RTN4: variants seen among roughly 807,000 people sequenced by gnomAD.
RTN4 encodes the protein reticulon 4, also known as reticulon-4.
Under a neutral mutation model 90.4 loss-of-function variants are expected in RTN4, and 32 were observed. That is an observed-to-expected ratio of 0.35 (90% CI 0.27 to 0.48). RTN4 has a LOEUF of 0.48. RTN4 is among the 20% of genes least tolerant of loss of function. The pLI is 0.99. For missense variants in RTN4, 1,706 were observed against 1,430.2 expected (o/e 1.19, Z -3.11); for synonymous variants, 629 against 552.5 (o/e 1.14, Z -1.94).
At chr2:55,092,131 A>G (rs1470333251) in intron 1 of RTN4, among the ~76,000 whole-genome samples, 1 of 151,482 alleles carries the variant, frequency 6.6e-6, no homozygotes, top group African/African-American at 2.4e-5. Context: ...TTGAGGCTGC[A>G]GTGAGCTGAG....
At chr2:54,989,909 G>C (rs768571108) in intron 3 of RTN4, among the ~76,000 whole-genome samples, 1 of 151,968 alleles carries the variant, frequency 6.6e-6, no homozygotes, top group Non-Finnish European at 1.5e-5. Flanking sequence ...TTTATTAGGA[G>C]GGTACAGTGA....
chr2:55,088,536 G>A (rs1474931738), intron 1 of RTN4, among the ~76,000 whole-genome samples: 1 of 152,152 alleles, frequency 6.6e-6, no homozygotes, highest in East Asian at 1.9e-4. Context: ...GGTGCTCCCT[G>A]GACAACATAC....
chr2:55,085,048 C>T (rs1289324328), intron 1 of RTN4, among the ~76,000 whole-genome samples: 1 of 152,200 alleles, frequency 6.6e-6, no homozygotes, highest in Non-Finnish European at 1.5e-5. Context: ...GCCTTGACCT[C>T]CCAAGGTGCT....
At chr2:55,016,497 C>T (rs1424271224) in intron 3 of RTN4, among the ~76,000 whole-genome samples, 3 of 152,096 alleles carry the variant, frequency 2.0e-5, no homozygotes, top group South Asian at 2.1e-4. Flanking sequence ...GCACGAGAAT[C>T]GCTTGAACCC....
At chr2:55,083,324 C>T (rs1363000822) in intron 1 of RTN4, among the ~76,000 whole-genome samples, 5 of 152,116 alleles carry the variant, frequency 3.3e-5, no homozygotes, top group African/African-American at 1.2e-4. Context: ...GGCAAAACCC[C>T]GTCTCTACTA....
intron 1 of RTN4, among the ~76,000 whole-genome samples, chr2:55,041,716 T>G (rs182957174): frequency 1.7e-3 from 254 of 152,088 alleles, no homozygotes; most frequent in African/African-American, 5.7e-3. Context: ...ATCAAATAAT[T>G]AAATGTTAAA....
At chr2:54,998,726 C>T (rs1186859481) in intron 3 of RTN4, among the ~76,000 whole-genome samples, 1 of 152,106 alleles carries the variant, frequency 6.6e-6, no homozygotes, top group Non-Finnish European at 1.5e-5. Context: ...AGAACAGAAA[C>T]ATTTAAATTC....
At chr2:55,003,292 T>C (rs1301656897) in intron 3 of RTN4, among the ~76,000 whole-genome samples, 2 of 152,238 alleles carry the variant, frequency 1.3e-5, no homozygotes, top group African/African-American at 4.8e-5. Flanking sequence ...TATTTGATAA[T>C]TTGGTAATTT....
chr2:55,097,767 A>G (rs1359947609), intron 1 of RTN4, among the ~76,000 whole-genome samples: 1 of 152,038 alleles, frequency 6.6e-6, no homozygotes, highest in Non-Finnish European at 1.5e-5. Flanking sequence ...CATAATGAAG[A>G]GCTGACACTT....
chr2:54,997,748 CCA>C lies in RTN4; in HGVS notation c.3014-10052_3014-10051del, dbSNP rs565991389. 1.6e-3 allele frequency among the ~76,000 whole-genome samples: 242 copies of C among 152,280 alleles called. 1 individual carries two copies. The highest frequency in any genetic ancestry group is 6.8e-3 in the Middle Eastern group (2 of 294). ...CCTGGTTAGAGTTTCCTGCAGTCAA[CCA>C]CAGTTAAAAATTAGGTGAGTATAGT... On this transcript the variant is annotated intron_variant, in intron 3 of 8. Coordinates refer to ENST00000337526, the MANE Select transcript of RTN4 (RefSeq NM_020532.5).
intron 1 of RTN4, among the ~76,000 whole-genome samples, chr2:55,046,124 AG>A (rs1683406834): frequency 6.6e-6 from 1 of 152,238 alleles, no homozygotes; most frequent in African/African-American, 2.4e-5. Context: ...GACAAGTGTC[AG>A]TGATCTAGAA....
Position 55,049,696 on chromosome 2 carries a change from G to A in RTN4, c.556+49C>T, listed in dbSNP as rs774378256. 7 of 1,437,328 alleles carry A rather than the reference G, an allele frequency of 4.9e-6. No individual in the cohort carries two copies. In the South Asian group the frequency reaches 9.7e-5, roughly 20 times the overall value. The allele number at this position is 1,437,328 out of a possible 1,614,324, so 89.0% of individuals were successfully genotyped here. A position where few individuals can be genotyped will look rare whatever the true frequency, so the allele number is the denominator to read the frequency against. On this transcript the variant is annotated intron_variant, in intron 1 of 8. Transcript: ENST00000337526. ...AAAGCATCTGGGGCTGCACACAAAA[G>A]AGGGAGGGGCGCGAGGGGCGGCGCG... is the stretch of plus-strand genomic sequence containing the variant.
intron 3 of RTN4, among the ~76,000 whole-genome samples, chr2:55,002,922 A>T (rs970900877): frequency 1.6e-4 from 24 of 152,238 alleles, no homozygotes; most frequent in African/African-American, 5.5e-4. Flanking sequence ...TAAAATTAGA[A>T]AATAAACTGG....
At chr2:55,024,338 T>C (rs965932034) in intron 3 of RTN4, among the ~76,000 whole-genome samples, 1 of 152,202 alleles carries the variant, frequency 6.6e-6, no homozygotes, top group African/African-American at 2.4e-5. Context: ...ACTGTTCCAA[T>C]GGTGATGAGC....
chr2:55,020,428 A>AG (rs1275290773), intron 3 of RTN4, among the ~76,000 whole-genome samples: 1 of 151,910 alleles, frequency 6.6e-6, no homozygotes, highest in Non-Finnish European at 1.5e-5. Context: ...TTGGAAAAAA[A>AG]AAAATGCCAA....
chr2:55,050,703 T>G, upstream of RTN4: 1 of 157,724 alleles, frequency 6.3e-6, no homozygotes. The surrounding 1 kb of genome is among the most constrained non-coding windows in gnomAD (Gnocchi z 4.6). Context: ...ACTACGGCAC[T>G]TCCTCTCTCT....
At chr2:55,028,693 T>C (rs1349653188) in intron 1 of RTN4, among the ~76,000 whole-genome samples, 1 of 152,230 alleles carries the variant, frequency 6.6e-6, no homozygotes, top group African/African-American at 2.4e-5. Context: ...GAATTATGCA[T>C]TTTCTCTTAC....
At chr2:55,055,108 T>G (rs939974661), upstream of RTN4, among the ~76,000 whole-genome samples, 11 of 152,066 alleles carry the variant, frequency 7.2e-5, no homozygotes, top group Non-Finnish European at 1.3e-4. Flanking sequence ...TCTTTCTCCT[T>G]TAACTGTTTT....
intron 3 of RTN4, among the ~76,000 whole-genome samples, chr2:55,001,115 G>A (rs183472707): frequency 2.0e-5 from 3 of 152,152 alleles, no homozygotes; most frequent in East Asian, 3.9e-4. Flanking sequence ...ATAAAGCAAC[G>A]AAAATACCAT....
Sources: gnomAD v4.1 joint callset for allele counts (sites outside exome capture counted in the v4.1 genomes callset) on GRCh38, gnomAD v4.1.1 for gene constraint, Gnocchi (gnomAD v3.1) non-coding constraint, MANE v1.5 for transcripts, NCBI Gene and HGNC (gene_info 2026-07-23, HGNC 2026-07-21) for gene names.